The following XIST variants were observed in gnomAD, a reference collection of about 807,000 sequenced individuals.
XIST encodes X inactive specific transcript (non-protein coding).
intron 3 of XIST, chrX:73,831,395 T>C: frequency 1.5e-5 from 6 of 412,658 alleles, no homozygotes; most frequent in Non-Finnish European, 4.2e-6. Flanking sequence ...GATTGAAGAG[T>C]GGACATTTAC....
chrX:73,837,337 T>G (rs1217636649), intron 2 of XIST: 2 of 394,672 alleles, frequency 5.1e-6, no homozygotes, highest in Non-Finnish European at 8.8e-6. Context: ...GAGAAGAACA[T>G]CAGACAAATT....
intron 2 of XIST, among the ~76,000 whole-genome samples, chrX:73,836,004 A>C (rs1922476041): frequency 9.0e-6 from 1 of 111,485 alleles, no homozygotes; most frequent in Non-Finnish European, 1.9e-5. Flanking sequence ...ATTGCCAAGG[A>C]AGACATCTAC....
intron 3 of XIST, chrX:73,831,395 T>A: frequency 2.4e-6 from 1 of 412,658 alleles, no homozygotes; most frequent in Non-Finnish European, 4.2e-6. Flanking sequence ...GATTGAAGAG[T>A]GGACATTTAC....
exon 6 of XIST, chrX:73,823,067 C>T (rs752029826): frequency 1.8e-6 from 1 of 552,420 alleles, no homozygotes; most frequent in South Asian, 2.3e-5. Flanking sequence ...TTTTTTATTG[C>T]TCATATGTCT....
exon 1 of XIST, chrX:73,843,860 C>T (rs780746768): frequency 2.5e-5 from 14 of 558,189 alleles, no homozygotes; most frequent in Non-Finnish European, 4.2e-5. Context: ...ATCAGGACAC[C>T]CTGTTGTACT....
chrX:73,822,377 C>T (rs1922141946), exon 6 of XIST: 1 of 528,785 alleles, frequency 1.9e-6, no homozygotes, highest in African/African-American at 2.3e-5. Context: ...AAGCCATGCC[C>T]CTAACAAGAA....
rs376633871 is a variant in XIST, at chrX:73,849,537, G to T, written n.3187C>A. ...TTTAAGGGCAGGGGATCGAGAAAAT[G>T]ATAAGTAACTCAAATTGTGGGCAAT... On this transcript the variant is annotated non_coding_transcript_exon_variant, in exon 1 of 6. Coordinates refer to ENST00000429829, the Ensembl canonical transcript of XIST. 2.9e-4 allele frequency: 161 copies of T among 556,622 alleles called. 1 individual carries two copies. The highest frequency in any genetic ancestry group is 2.8e-3 in the African/African-American group (125 of 44,566). The allele number at this position is 556,622 out of a possible 1,213,427, so 45.9% of individuals were successfully genotyped here. A position where few individuals can be genotyped will look rare whatever the true frequency, so the allele number is the denominator to read the frequency against.
intron 1 of XIST, among the ~76,000 whole-genome samples, chrX:73,839,008 T>C (rs1178207897): frequency 1.8e-5 from 2 of 111,856 alleles, no homozygotes; most frequent in Non-Finnish European, 3.8e-5. Context: ...TAATCATTAG[T>C]TTCTTTCTCT....
chrX:73,824,388 T>TA (rs1204830746), exon 6 of XIST: 3 of 548,404 alleles, frequency 5.5e-6, no homozygotes, highest in Non-Finnish European at 9.9e-6. Flanking sequence ...AATCAACAGT[T>TA]ACATTTATAT....
exon 1 of XIST, chrX:73,851,691 T>C (rs756516277): frequency 1.1e-5 from 6 of 558,960 alleles, no homozygotes; most frequent in Non-Finnish European, 1.9e-5. Flanking sequence ...AATCAATTCA[T>C]TCAGATAGGT....
Position 73,851,975 on chromosome X carries a change from CATT to C in XIST, n.746_748del, listed in dbSNP as rs2147709908. 5 of 556,993 alleles carry C rather than the reference CATT, an allele frequency of 9.0e-6. No individual in the cohort carries two copies. The East Asian group carries it at 1.6e-4, about 18-fold the overall frequency. The allele number at this position is 556,993 out of a possible 1,213,427, so 45.9% of individuals were successfully genotyped here. Reference sequence around the variant, plus strand: ...AGAGTGCAACAACCCACAAAACCAACATTTTTTCATCCATAAAAAGCACCGATG... The same window carrying C: ...AGAGTGCAACAACCCACAAAACCAACTTTTCATCCATAAAAAGCACCGATG... On this transcript the variant is annotated non_coding_transcript_exon_variant, in exon 1 of 6. Transcript: ENST00000429829.
chrX:73,825,253 C>T (rs1462514802), exon 6 of XIST: 3 of 558,909 alleles, frequency 5.4e-6, no homozygotes, highest in Admixed American at 2.2e-5. Flanking sequence ...CTCAAAATTA[C>T]CAGAGCAGCA....
At chrX:73,841,344 G>C in intron 1 of XIST, 1 of 450,977 alleles carries the variant, frequency 2.2e-6, no homozygotes. Context: ...AAATAGAATA[G>C]GAAAAAGATT....
chrX:73,822,119 C>T, exon 6 of XIST: 1 of 558,728 alleles, frequency 1.8e-6, no homozygotes, highest in East Asian at 3.2e-5. Context: ...TAGGTGGTTC[C>T]CCAAGGCTGG....
exon 6 of XIST, chrX:73,825,213 G>A (rs368900061): frequency 1.5e-4 from 84 of 556,521 alleles, no homozygotes; most frequent in Non-Finnish European, 2.5e-4. Flanking sequence ...ATGTGTTTTC[G>A]TTTCTGATAC....
At chrX:73,822,517 A>T (rs1922146033) in exon 6 of XIST, 3 of 512,300 alleles carry the variant, frequency 5.9e-6, no homozygotes, top group Non-Finnish European at 1.0e-5. Flanking sequence ...GAATGAATAC[A>T]TGAAAAAAAA....
chrX:73,828,597 TC>T (rs1347211622), intron 5 of XIST: 1 of 113,439 alleles, frequency 8.8e-6, no homozygotes, highest in African/African-American at 3.2e-5. Flanking sequence ...CTCAATCCCC[TC>T]CTTTAGCATC....
exon 1 of XIST, chrX:73,848,397 G>A: frequency 1.8e-6 from 1 of 556,208 alleles, no homozygotes; most frequent in Non-Finnish European, 3.2e-6. Context: ...TAATCAATTA[G>A]GATTGTGCAC....
At chrX:73,851,093 T>G (rs775073973) in exon 1 of XIST, 4 of 559,353 alleles carry the variant, frequency 7.2e-6, no homozygotes, top group South Asian at 6.7e-5. Context: ...TCTTCTGCTC[T>G]AATTGGCTGT....
Sources: gnomAD v4.1 joint callset for allele counts (sites outside exome capture counted in the v4.1 genomes callset) on GRCh38, gnomAD v4.1.1 for gene constraint, MANE v1.5 for transcripts, NCBI Gene and HGNC (gene_info 2026-07-23, HGNC 2026-07-21) for gene names.